DIS3L: variants seen among roughly 807,000 people sequenced by gnomAD.
DIS3L encodes DIS3 like exosome 3'-5' exoribonuclease.
In DIS3L, 100 loss-of-function variants were observed where a neutral mutation model predicts 120.3. That is an observed-to-expected ratio of 0.83 (90% CI 0.71 to 0.98). The LOEUF is 0.98. Among genes scored for constraint, DIS3L ranks in the 50% least tolerant of loss-of-function variants. The pLI, the probability that DIS3L is intolerant of heterozygous loss-of-function variation, is 0.00. For missense variants in DIS3L, 1,196 were observed against 1,314.2 expected (o/e 0.91, Z 1.39); for synonymous variants, 426 against 470.6 (o/e 0.91, Z 1.23).
chr15:66,295,169 T>G, intron 2 of DIS3L, 28 bp downstream of exon 2: 1 of 1,602,640 alleles, frequency 6.2e-7, no homozygotes, highest in Non-Finnish European at 8.5e-7. Context: ...TTTATTTCTA[T>G]ATGGCATAGG....
intron 3 of DIS3L, among the ~76,000 whole-genome samples, chr15:66,308,443 T>C (rs2140346191): frequency 6.6e-6 from 1 of 152,324 alleles, no homozygotes; most frequent in Non-Finnish European, 1.5e-5. Context: ...CCTCATGGTT[T>C]CTAGGCCATA....
intron 9 of DIS3L, among the ~76,000 whole-genome samples, chr15:66,321,697 C>T (rs757876010): frequency 1.8e-4 from 15 of 82,308 alleles, no homozygotes; most frequent in South Asian, 4.6e-4. Context: ...ACCAGGGAGG[C>T]GGAGGTTGCA....
chr15:66,318,847 T>C (rs531672572), intron 8 of DIS3L, among the ~76,000 whole-genome samples: 21 of 152,076 alleles, frequency 1.4e-4, no homozygotes, highest in Non-Finnish European at 2.6e-4. Flanking sequence ...GGCTGGAGTG[T>C]AGTGGCGTGA....
At chr15:66,300,805 T>C (rs986986844) in intron 2 of DIS3L, among the ~76,000 whole-genome samples, 4 of 152,178 alleles carry the variant, frequency 2.6e-5, no homozygotes, top group African/African-American at 9.7e-5. Context: ...CTCTGGGGCA[T>C]CTGAGAGGGC....
chr15:66,328,983 C>A lies in DIS3L; in HGVS notation c.2215C>A (p.Leu739Met). 1 of 1,611,462 alleles carries A rather than the reference C, an allele frequency of 6.2e-7. No homozygotes were observed. Among genetic ancestry groups the A allele is most frequent in the African/African-American group, 1.3e-5 (1 of 74,922 alleles). The part of the protein sequence containing the change: ...FFIDTRSNKT[L>M]ADSLDNANDP... ...GTTCTTTGTCAGGTCCAATAAAACA[C>A]TGGCTGATTCTCTGGATAATGCGAA... The change falls in exon 13 of 17, where the codon CTG becomes ATG. Residue 739 changes from leucine to methionine, a missense_variant. Physicochemically the swap from Leu to Met is conservative, Grantham distance 15. Transcript: ENST00000319212.
intron 14 of DIS3L, chr15:66,330,571 A>T (rs2092989545): frequency 1.0e-6 from 1 of 977,652 alleles, no homozygotes; most frequent in South Asian, 4.7e-5. Flanking sequence ...GACTACCTAA[A>T]TTTAATTAAA....
intron 4 of DIS3L, among the ~76,000 whole-genome samples, chr15:66,309,102 T>TATATATATATATATATATATATATATAC (rs2092734917): frequency 8.5e-5 from 1 of 11,748 alleles, no homozygotes; most frequent in Non-Finnish European, 1.9e-4. Flanking sequence ...AAAATATATA[T>TATATATATATATATATATATATATATAC]ATCTCCAAGC....
At chr15:66,329,921 A>G (rs1387241389) in intron 14 of DIS3L, 1 of 985,132 alleles carries the variant, frequency 1.0e-6, no homozygotes, top group Non-Finnish European at 1.2e-6. Context: ...TCAAAAAAAA[A>G]AAAAGATATG....
rs1332624832 is a variant in DIS3L, at chr15:66,322,763, TGAG to T, written c.1406_1408del (p.Arg469del). ...GAAGAGGAACAAAAACGTAAAGACTTGAGGAAAAGCCATCTCGTATTCAGCATT... is the reference window on the plus strand; with the variant it reads ...GAAGAGGAACAAAAACGTAAAGACTTGAAAAGCCATCTCGTATTCAGCATT... On this transcript the variant is annotated inframe_deletion, in exon 10 of 17. Transcript: ENST00000319212. The T allele has an allele frequency of 6.2e-7, 1 of 1,614,020 alleles. No homozygotes were observed. Among genetic ancestry groups the T allele is most frequent in the African/African-American group, 1.3e-5 (1 of 74,908 alleles).
intron 2 of DIS3L, among the ~76,000 whole-genome samples, chr15:66,304,900 C>CAAA (rs796324536): frequency 1.6e-4 from 9 of 56,326 alleles, no homozygotes; most frequent in Non-Finnish European, 1.6e-4. Context: ...GACTCCGTCT[C>CAAA]AAAAAAAAAA....
At position 66,326,349 on chromosome 15, in the gene DIS3L, T is replaced by G; in HGVS notation, c.2186T>G (p.Phe729Cys). The change falls in exon 12 of 17, where the codon TTC (phenylalanine) becomes TGC (cysteine). Residue 729 changes from phenylalanine (F) to cysteine (C), a missense_variant. By Grantham distance (205) the Phe-to-Cys change is radical (BLOSUM62 -2). Coordinates refer to ENST00000319212, the MANE Select transcript of DIS3L (RefSeq NM_001143688.3). ...ELRECAKAKG[F>C]FIDTRSNKTL... Reference sequence around the variant, plus strand: ...CGGGAATGTGCTAAAGCCAAAGGCTTCTTCATAGATACACGGTATTCCTCT... The same window carrying G: ...CGGGAATGTGCTAAAGCCAAAGGCTGCTTCATAGATACACGGTATTCCTCT... The G allele has an allele frequency of 6.2e-7, 1 of 1,614,016 alleles. No individual in the cohort carries two copies. Among genetic ancestry groups the G allele is most frequent in the East Asian group, 2.2e-5 (1 of 44,892 alleles).
chr15:66,305,158 G>C (rs1189070921), intron 2 of DIS3L, among the ~76,000 whole-genome samples: 1 of 151,088 alleles, frequency 6.6e-6, no homozygotes, highest in Non-Finnish European at 1.5e-5. Flanking sequence ...CCACCACCAC[G>C]CCCGGCTAAT....
chr15:66,308,863 T>C lies in DIS3L; in HGVS notation c.558+19T>C. 6.2e-7 allele frequency: 1 copy of C among 1,604,012 alleles called. No individual in the cohort carries two copies. The highest frequency in any genetic ancestry group is 1.1e-5 in the South Asian group (1 of 90,036). On this transcript the variant is annotated intron_variant, in intron 4 of 16. Transcript: ENST00000319212. ...TTTCAAGGTATTTCCAGATATTGTA[T>C]ATGTATGAGTGCTCATTTTCTAAGT...
At chr15:66,317,955 ATG>A (rs937098581) in intron 7 of DIS3L, among the ~76,000 whole-genome samples, 1 of 151,762 alleles carries the variant, frequency 6.6e-6, no homozygotes, top group Admixed American at 6.6e-5. Context: ...TGTTGTTGTT[ATG>A]TGTGTGTTTT....
chr15:66,298,250 C>T (rs1333198122), intron 2 of DIS3L, among the ~76,000 whole-genome samples: 1 of 147,596 alleles, frequency 6.8e-6, no homozygotes, highest in Non-Finnish European at 1.5e-5. Context: ...TCTGAAAGGT[C>T]ACATGATCTA....
At chr15:66,313,865 G>GTA (rs35511104) in intron 5 of DIS3L, among the ~76,000 whole-genome samples, 174 bp from the exon 6 acceptor site, 45,803 of 131,696 alleles carry the variant, frequency 0.35, 7,993 homozygotes, top group Non-Finnish European at 0.44. Context: ...ATATATGTGT[G>GTA]TATATATATA....
intron 14 of DIS3L, chr15:66,330,248 G>A (rs1255565441): frequency 1.0e-6 from 1 of 972,504 alleles, no homozygotes; most frequent in East Asian, 1.1e-4. Flanking sequence ...AGTGAGCTGA[G>A]ATTGCACCAC....
chr15:66,312,607 G>A (rs1048488971), intron 5 of DIS3L, among the ~76,000 whole-genome samples: 2 of 152,076 alleles, frequency 1.3e-5, no homozygotes, highest in African/African-American at 4.8e-5. Flanking sequence ...GGGCCTCTTT[G>A]TGATCCTCCC....
chr15:66,297,956 G>A (rs2092606161), intron 2 of DIS3L, among the ~76,000 whole-genome samples: 1 of 152,108 alleles, frequency 6.6e-6, no homozygotes. Flanking sequence ...AAGGCAGGTA[G>A]ATCACTTGAG....
Sources: allele counts gnomAD v4.1 joint callset (sites outside exome capture counted in the v4.1 genomes callset), GRCh38; gene constraint gnomAD v4.1.1; transcripts MANE v1.5; gene names NCBI Gene and HGNC (gene_info 2026-07-23, HGNC 2026-07-21).